PDZRN3: variants seen among roughly 807,000 people sequenced by gnomAD.
PDZRN3 encodes PDZ domain containing ring finger 3.
A neutral mutation model predicts 85.7 loss-of-function variants in PDZRN3; 38 were observed. The ratio of observed to expected loss-of-function variants is 0.44; its 90% CI spans 0.34 to 0.58. The LOEUF (loss-of-function observed/expected upper bound fraction) is 0.58, where lower values mean the gene tolerates loss of function less well. Ranked by LOEUF, PDZRN3 falls within the 20% of genes least tolerant of loss-of-function variation. The pLI is 0.01. For synonymous variants in PDZRN3, 759 were observed against 638.0 expected, an observed-to-expected ratio of 1.19 and a Z score of -2.86; for missense variants, 1,629 against 1,506.4, an observed-to-expected ratio of 1.08 and a Z score of -1.35.
At chr3:73,499,105 T>C (rs1575692642) in intron 3 of PDZRN3, among the ~76,000 whole-genome samples, 2 of 152,086 alleles carry the variant, frequency 1.3e-5, no homozygotes, top group African/African-American at 4.8e-5. Context: ...ACACGGCTGG[T>C]TCTTATGCTC....
Position 73,569,139 on chromosome 3 carries a change from A to G in PDZRN3, c.918+33215T>C, listed in dbSNP as rs1441914383. On this transcript the variant is annotated intron_variant, in intron 3 of 9. Transcript: ENST00000263666. The stretch of plus-strand genomic sequence containing the variant: ...TCTAAATCACACACCCCTTTTCATC[A>G]CATTGCCTCACCTGGTTAATCATGT... 6 of 1,284,350 alleles carry G rather than the reference A, an allele frequency of 4.7e-6. No individual in the cohort carries two copies. In the South Asian group the frequency reaches 7.4e-5, roughly 16 times the overall value. The allele number at this position is 1,284,350 out of a possible 1,614,324, so 79.6% of individuals were successfully genotyped here.
intron 5 of PDZRN3, among the ~76,000 whole-genome samples, chr3:73,392,843 A>C (rs1459850322): frequency 6.6e-6 from 1 of 152,220 alleles, no homozygotes; most frequent in African/African-American, 2.4e-5. Flanking sequence ...GGTCATATTT[A>C]ACAATGAGAG....
intron 3 of PDZRN3, among the ~76,000 whole-genome samples, chr3:73,550,967 A>C (rs1280827890): frequency 6.6e-6 from 1 of 152,230 alleles, no homozygotes; most frequent in Admixed American, 6.5e-5. Context: ...TCAGAAAGAA[A>C]ACTAGCTAAA....
chr3:73,494,120 C>G (rs1301513779), intron 3 of PDZRN3, among the ~76,000 whole-genome samples: 1 of 152,186 alleles, frequency 6.6e-6, no homozygotes, highest in Non-Finnish European at 1.5e-5. Flanking sequence ...CCAATTTGGG[C>G]TGGGCTTCTG....
At chr3:73,533,892 T>C (rs1704718012) in intron 3 of PDZRN3, among the ~76,000 whole-genome samples, 1 of 152,200 alleles carries the variant, frequency 6.6e-6, no homozygotes, top group Admixed American at 6.5e-5. Flanking sequence ...AAATAGCACA[T>C]CTGACTACAA....
chr3:73,409,293 C>A (rs139027448), intron 3 of PDZRN3, among the ~76,000 whole-genome samples: 2 of 152,138 alleles, frequency 1.3e-5, no homozygotes, highest in African/African-American at 4.8e-5. Flanking sequence ...CCATTCCTTC[C>A]GGGTTCAATT....
intron 3 of PDZRN3, among the ~76,000 whole-genome samples, chr3:73,523,018 G>T (rs985163152): frequency 3.0e-4 from 46 of 151,618 alleles, no homozygotes; most frequent in African/African-American, 1.0e-3. Context: ...TTTTTTGTTT[G>T]TTTGTTTGTT....
intron 2 of PDZRN3, among the ~76,000 whole-genome samples, chr3:73,603,345 A>T (rs1199285181): frequency 6.6e-6 from 1 of 152,182 alleles, no homozygotes; most frequent in East Asian, 1.9e-4. Context: ...TCACTGTTCA[A>T]ACTCCTTCCT....
intron 3 of PDZRN3, among the ~76,000 whole-genome samples, chr3:73,518,871 A>T (rs1247785207): frequency 6.6e-6 from 1 of 152,214 alleles, no homozygotes; most frequent in East Asian, 1.9e-4. Context: ...CATCACCGTG[A>T]AGATGGGGTT....
chr3:73,451,564 G>A (rs961867980), intron 3 of PDZRN3, among the ~76,000 whole-genome samples: 1 of 152,120 alleles, frequency 6.6e-6, no homozygotes, highest in African/African-American at 2.4e-5. Flanking sequence ...GCCAAACAGG[G>A]TCACTAAAGA....
intron 3 of PDZRN3, among the ~76,000 whole-genome samples, chr3:73,414,808 A>C (rs1702043098): frequency 6.6e-6 from 1 of 152,214 alleles, no homozygotes; most frequent in Non-Finnish European, 1.5e-5. Flanking sequence ...AATGCCTCCA[A>C]TTTCCTAGAC....
intron 2 of PDZRN3, among the ~76,000 whole-genome samples, chr3:73,605,655 G>A (rs746419939): frequency 5.3e-5 from 8 of 152,316 alleles, no homozygotes; most frequent in South Asian, 4.1e-4. Context: ...AACTAACAAC[G>A]TGTGTGCATT....
At chr3:73,507,968 C>T (rs1162433544) in intron 3 of PDZRN3, among the ~76,000 whole-genome samples, 2 of 152,040 alleles carry the variant, frequency 1.3e-5, no homozygotes, top group African/African-American at 2.4e-5. Flanking sequence ...TGGCACGTGC[C>T]TGTAAACCCA....
At chr3:73,556,840 A>G (rs1701709156) in intron 3 of PDZRN3, 1 of 152,166 alleles carries the variant, frequency 6.6e-6, no homozygotes, top group Admixed American at 6.5e-5. Flanking sequence ...GGAGGCTGAG[A>G]TTCAAGTACT....
intron 3 of PDZRN3, among the ~76,000 whole-genome samples, chr3:73,574,866 C>A (rs1012827683): frequency 6.6e-6 from 1 of 152,184 alleles, no homozygotes; most frequent in Non-Finnish European, 1.5e-5. Flanking sequence ...GCAGTTCAGC[C>A]CTGTGCTAAA....
At chr3:73,515,428 G>A (rs867885074) in intron 3 of PDZRN3, among the ~76,000 whole-genome samples, 52 of 151,988 alleles carry the variant, frequency 3.4e-4, no homozygotes, top group Non-Finnish European at 6.5e-4. Flanking sequence ...TGCCTGCCTC[G>A]GCCTCCCAAA....
chr3:73,503,547 C>T (rs763938105), intron 3 of PDZRN3, among the ~76,000 whole-genome samples: 7 of 152,166 alleles, frequency 4.6e-5, no homozygotes, highest in Non-Finnish European at 1.0e-4. Context: ...GTCTACTTGG[C>T]CTTATCCAAT....
At chr3:73,450,053 TC>T in intron 3 of PDZRN3, among the ~76,000 whole-genome samples, 1 of 152,306 alleles carries the variant, frequency 6.6e-6, no homozygotes, top group Admixed American at 6.5e-5. Flanking sequence ...TTTCCTTTAC[TC>T]TCAGTTCTCT....
At chr3:73,565,321 G>A (rs907668628) in intron 3 of PDZRN3, among the ~76,000 whole-genome samples, 1 of 151,756 alleles carries the variant, frequency 6.6e-6, no homozygotes, top group Non-Finnish European at 1.5e-5. Flanking sequence ...GTAGAGACGG[G>A]GTTTCACTAT....
Sources: allele counts gnomAD v4.1 joint callset (sites outside exome capture counted in the v4.1 genomes callset), GRCh38; gene constraint gnomAD v4.1.1; transcripts MANE v1.5; gene names NCBI Gene and HGNC (gene_info 2026-07-23, HGNC 2026-07-21).